The following SPC25 variants were observed in gnomAD, a reference collection of about 807,000 sequenced individuals.
The protein encoded by SPC25 is kinetochore protein Spc25.
SPC25 carries 22 observed loss-of-function variants against 29.6 expected under a neutral mutation model. The observed-to-expected ratio is 0.74, with a 90% CI of 0.53 to 1.06. The LOEUF (loss-of-function observed/expected upper bound fraction) is 1.06. Ranked by LOEUF, SPC25 falls within the 50% of genes least tolerant of loss-of-function variation. SPC25 has a pLI of 0.00. For missense variants in SPC25, 230 were observed against 255.8 expected (o/e 0.90, Z 0.69); for synonymous variants, 91 against 90.4 (o/e 1.01, Z -0.04).
At chr2:168,863,887 AGG>A (rs2105806766) in intron 4 of SPC25, among the ~76,000 whole-genome samples, 1 of 152,232 alleles carries the variant, frequency 6.6e-6, no homozygotes, top group East Asian at 1.9e-4. Context: ...AGGCAGCATA[AGG>A]ATATATGATC....
At chr2:168,883,338 A>AT (rs1690206594) in intron 3 of SPC25, among the ~76,000 whole-genome samples, 1 of 152,182 alleles carries the variant, frequency 6.6e-6, no homozygotes, top group Non-Finnish European at 1.5e-5. Flanking sequence ...TACAGGTGAT[A>AT]TTTTTTGCTT....
intron 6 of SPC25, among the ~76,000 whole-genome samples, chr2:168,872,141 T>A (rs890248236): frequency 6.6e-6 from 1 of 152,166 alleles, no homozygotes; most frequent in Non-Finnish European, 1.5e-5. Context: ...CTAACTTTTG[T>A]ATTTTCAGTA....
chr2:168,862,058 C>A, intron 4 of SPC25: 1 of 1,611,280 alleles, frequency 6.2e-7, no homozygotes, highest in African/African-American at 1.3e-5. Flanking sequence ...GGGTAAGAAT[C>A]ATTCTCAAAT....
At chr2:168,867,150 A>T, downstream of SPC25, among the ~76,000 whole-genome samples, 1 of 152,198 alleles carries the variant, frequency 6.6e-6, no homozygotes. Context: ...ATTATAAATC[A>T]TGCTGCTATA....
downstream of SPC25, among the ~76,000 whole-genome samples, chr2:168,868,582 A>C (rs1250540903): frequency 6.6e-6 from 1 of 152,226 alleles, no homozygotes; most frequent in Non-Finnish European, 1.5e-5. Context: ...AAACACCTCT[A>C]TGCAAATAAA....
At chr2:168,863,655 T>G in intron 4 of SPC25, 1 of 906,922 alleles carries the variant, frequency 1.1e-6, no homozygotes, top group Non-Finnish European at 1.2e-6. Flanking sequence ...GGGAGTTACA[T>G]TTCTGTGCAA....
intron 4 of SPC25, among the ~76,000 whole-genome samples, chr2:168,865,825 A>T (rs554129197): frequency 2.0e-5 from 3 of 152,210 alleles, no homozygotes; most frequent in Non-Finnish European, 2.9e-5. Context: ...ATATACACCA[A>T]TAACAGACAA....
chr2:168,890,376 G>C lies in SPC25; in HGVS notation c.-73C>G, dbSNP rs1690375444. ...CCACACCAGATCCGCGCCCACTCTAGCCAACAGCCGGACTCTAGGCTCAGC... is the reference window on the plus strand; with the variant it reads ...CCACACCAGATCCGCGCCCACTCTACCCAACAGCCGGACTCTAGGCTCAGC... On this transcript the variant is annotated 5_prime_UTR_variant, in exon 1 of 7. Coordinates refer to ENST00000282074, the MANE Select transcript of SPC25 (RefSeq NM_020675.4). 1 of 985,472 alleles carries C rather than the reference G, an allele frequency of 1.0e-6. No individual in the cohort carries two copies. The highest frequency in any genetic ancestry group is 1.2e-6 in the Non-Finnish European group (1 of 829,972). 61.0% of individuals were successfully genotyped at this position (985,472 alleles called of 1,614,324 possible).
chr2:168,880,626 C>G (rs1690162825), intron 3 of SPC25, among the ~76,000 whole-genome samples: 1 of 152,226 alleles, frequency 6.6e-6, no homozygotes, highest in Non-Finnish European at 1.5e-5. Flanking sequence ...AAGCTTTCAG[C>G]CTATCTCAGC....
intron 4 of SPC25, among the ~76,000 whole-genome samples, chr2:168,864,426 C>T (rs138388408): frequency 2.0e-3 from 301 of 152,218 alleles, no homozygotes; most frequent in African/African-American, 6.4e-3. Flanking sequence ...GCTGGTATTA[C>T]AGGCGTGCGC....
chr2:168,876,232 C>T, intron 4 of SPC25, 56 bp from the exon 5 acceptor site: 1 of 1,185,150 alleles, frequency 8.4e-7, no homozygotes, highest in Non-Finnish European at 1.2e-6. Flanking sequence ...AATTAATGCT[C>T]ACTGAGTTAA....
chr2:168,863,690 G>T (rs1191716130), intron 4 of SPC25: 2 of 981,016 alleles, frequency 2.0e-6, no homozygotes, highest in African/African-American at 3.5e-5. Context: ...TAAACTTTTG[G>T]CCTGTGAAAT....
At chr2:168,863,344 T>G (rs888418563) in intron 4 of SPC25, 8 of 917,922 alleles carry the variant, frequency 8.7e-6, no homozygotes, top group African/African-American at 1.8e-5. Context: ...GTAGAAAAGA[T>G]AGAAAAGGAG....
intron 3 of SPC25, among the ~76,000 whole-genome samples, chr2:168,882,762 A>AC (rs1464962495): frequency 6.6e-6 from 1 of 152,190 alleles, no homozygotes; most frequent in African/African-American, 2.4e-5. Context: ...TAAGAAAAAA[A>AC]CAGACAAAGG....
At chr2:168,882,966 T>C (rs191148374) in intron 3 of SPC25, among the ~76,000 whole-genome samples, 94 of 152,278 alleles carry the variant, frequency 6.2e-4, no homozygotes, top group Admixed American at 3.5e-3. Context: ...ATTTTTGACA[T>C]TGTAAAATAA....
chr2:168,864,295 T>A (rs1240215455), intron 4 of SPC25, among the ~76,000 whole-genome samples: 3 of 151,720 alleles, frequency 2.0e-5, no homozygotes, highest in Non-Finnish European at 4.4e-5. Flanking sequence ...GTTTTTTTTT[T>A]TCTGAGACAG....
At chr2:168,871,769 T>C (rs1198254222) in intron 6 of SPC25, among the ~76,000 whole-genome samples, 1 of 152,110 alleles carries the variant, frequency 6.6e-6, no homozygotes, top group Non-Finnish European at 1.5e-5. Flanking sequence ...TCTTAAGTAC[T>C]ATAATCTTGC....
chr2:168,861,750 T>C (rs891271851), intron 4 of SPC25, among the ~76,000 whole-genome samples: 1 of 152,252 alleles, frequency 6.6e-6, no homozygotes, highest in Admixed American at 6.5e-5. Flanking sequence ...TTTTTGGTTA[T>C]ATAACATATG....
intron 4 of SPC25, among the ~76,000 whole-genome samples, chr2:168,876,600 C>CTTTTTTTTTT (rs34758857): frequency 1.4e-5 from 2 of 142,840 alleles, no homozygotes; most frequent in Non-Finnish European, 1.5e-5. Flanking sequence ...TTAGTTTTTT[C>CTTTTTTTTTT]TTTTTTTTTT....
Sources: allele counts gnomAD v4.1 joint callset (sites outside exome capture counted in the v4.1 genomes callset), GRCh38; gene constraint gnomAD v4.1.1; transcripts MANE v1.5; gene names NCBI Gene and HGNC (gene_info 2026-07-23, HGNC 2026-07-21).